Variants in NT5C2 observed in about 807,000 individuals in gnomAD.
NT5C2 encodes cytosolic purine 5'-nucleotidase.
NT5C2 carries 58 observed loss-of-function variants against 76.1 expected under a neutral mutation model. The observed-to-expected ratio is 0.76, with a 90% confidence interval of 0.62 to 0.95. The LOEUF is 0.95. Ranked by LOEUF, NT5C2 falls within the 40% of genes least tolerant of loss-of-function variation. The probability of loss-of-function intolerance (pLI) is 0.00; values close to 1 mark genes in which losing one functional copy is unlikely to be tolerated. For synonymous variants in NT5C2, 229 were observed against 237.4 expected (o/e 0.96, Z 0.32); for missense variants, 478 against 690.3 (o/e 0.69, Z 3.45).
chr10:103,098,807 G>A (rs762305918), intron 10 of NT5C2, 124 bp downstream of exon 10: 12 of 703,764 alleles, frequency 1.7e-5, no homozygotes, highest in Non-Finnish European at 2.6e-5. Context: ...GATTATACCC[G>A]ACACATACTA....
chr10:103,116,566 A>ATTTTTTTCTTTTT (rs1170172230), intron 4 of NT5C2, among the ~76,000 whole-genome samples: 6 of 142,306 alleles, frequency 4.2e-5, no homozygotes, highest in Non-Finnish European at 7.7e-5. Flanking sequence ...GCTGCTTCAG[A>ATTTTTTTCTTTTT]TTTTTTTCTT....
intron 4 of NT5C2, among the ~76,000 whole-genome samples, chr10:103,129,558 C>T (rs1190967606): frequency 8.2e-4 from 94 of 114,812 alleles, no homozygotes; most frequent in African/African-American, 1.2e-3. Flanking sequence ...CCAGCCGCCC[C>T]GTCCGGGAGG....
At chr10:103,173,079 G>A (rs1009869127) in intron 3 of NT5C2, among the ~76,000 whole-genome samples, 8 of 152,024 alleles carry the variant, frequency 5.3e-5, no homozygotes, top group African/African-American at 1.9e-4. Context: ...AAACTCCTGG[G>A]TTCAAGCAAT....
At chr10:103,156,345 C>A (rs907885908) in intron 3 of NT5C2, among the ~76,000 whole-genome samples, 2 of 152,166 alleles carry the variant, frequency 1.3e-5, no homozygotes, top group East Asian at 3.8e-4. Context: ...TTAAATAAGA[C>A]ACTAAAATTT....
At chr10:103,180,377 C>A (rs2090843477) in intron 2 of NT5C2, among the ~76,000 whole-genome samples, 2 of 152,188 alleles carry the variant, frequency 1.3e-5, no homozygotes, top group African/African-American at 2.4e-5. Flanking sequence ...TATCATATGT[C>A]CCAGACTTTC....
intron 4 of NT5C2, among the ~76,000 whole-genome samples, chr10:103,108,773 A>T (rs1327357475): frequency 1.3e-5 from 2 of 152,200 alleles, no homozygotes; most frequent in Non-Finnish European, 2.9e-5. Context: ...CCAAAAGAAA[A>T]AAACCATCTT....
At chr10:103,124,173 C>CATCT (rs571068312) in intron 4 of NT5C2, among the ~76,000 whole-genome samples, 132 of 152,152 alleles carry the variant, frequency 8.7e-4, no homozygotes, top group African/African-American at 3.1e-3. Flanking sequence ...ACTCTCCTTG[C>CATCT]ATCTATTAGA....
At chr10:103,100,957 G>T in intron 8 of NT5C2, 88 bp downstream of exon 8, 2 of 816,472 alleles carry the variant, frequency 2.4e-6, no homozygotes, top group Non-Finnish European at 2.1e-6. Context: ...TAGAAAAGCA[G>T]AAAAGACCTA....
intron 3 of NT5C2, among the ~76,000 whole-genome samples, chr10:103,164,393 G>C (rs2085815832): frequency 6.6e-6 from 1 of 152,092 alleles, no homozygotes. Flanking sequence ...GAGTAGCTGG[G>C]ATTACAGGCA....
At chr10:103,107,443 G>A (rs187077527) in intron 4 of NT5C2, among the ~76,000 whole-genome samples, 12 of 152,270 alleles carry the variant, frequency 7.9e-5, no homozygotes, top group Admixed American at 6.5e-4. Flanking sequence ...GAGAAGCCGA[G>A]GCGGGCAGAT....
At chr10:103,132,241 G>GA (rs539460535) in intron 4 of NT5C2, among the ~76,000 whole-genome samples, 2,685 of 122,806 alleles carry the variant, frequency 0.022, 35 homozygotes, top group Middle Eastern at 0.06. Context: ...ACTTCATCTC[G>GA]AAAAAAAAAA....
At chr10:103,101,570 T>C (rs2069677408) in intron 6 of NT5C2, among the ~76,000 whole-genome samples, 1 of 151,320 alleles carries the variant, frequency 6.6e-6, no homozygotes, top group Non-Finnish European at 1.5e-5. Context: ...GGACTCAAAC[T>C]CCTGAAGATT....
chr10:103,107,654 C>A (rs2071667096), intron 4 of NT5C2, among the ~76,000 whole-genome samples: 1 of 151,146 alleles, frequency 6.6e-6, no homozygotes, highest in Non-Finnish European at 1.5e-5. Flanking sequence ...GCCTGGGTGA[C>A]AGAGCGAGAC....
chr10:103,132,190 A>G (rs1741754700), intron 4 of NT5C2, among the ~76,000 whole-genome samples: 1 of 151,144 alleles, frequency 6.6e-6, no homozygotes, highest in Admixed American at 6.6e-5. Flanking sequence ...CAGTGAGCCA[A>G]GACTGCACTA....
intron 3 of NT5C2, among the ~76,000 whole-genome samples, chr10:103,167,649 T>G (rs1409018252): frequency 1.3e-5 from 2 of 152,072 alleles, no homozygotes; most frequent in Non-Finnish European, 2.9e-5. Flanking sequence ...TTTTTGTTTT[T>G]GAGACACAGT....
intron 3 of NT5C2, chr10:103,146,150 CA>C (rs1038345507): frequency 1.0e-6 from 1 of 985,372 alleles, no homozygotes; most frequent in African/African-American, 1.7e-5. Flanking sequence ...GACTTAACTT[CA>C]AGAAGTTTAA....
intron 3 of NT5C2, among the ~76,000 whole-genome samples, chr10:103,150,139 C>T (rs1456301120): frequency 1.3e-5 from 2 of 152,142 alleles, no homozygotes; most frequent in Admixed American, 6.6e-5. Context: ...TAACAGTATA[C>T]ACTCATGCAA....
At chr10:103,137,620 C>T (rs1277113046) in intron 4 of NT5C2, among the ~76,000 whole-genome samples, 1 of 152,170 alleles carries the variant, frequency 6.6e-6, no homozygotes, top group Non-Finnish European at 1.5e-5. Context: ...TGTCTTTATA[C>T]GTCTTAAGGT....
intron 1 of NT5C2, among the ~76,000 whole-genome samples, chr10:103,185,852 T>C (rs978109934): frequency 6.6e-6 from 1 of 152,156 alleles, no homozygotes. Flanking sequence ...CCTTTTAATA[T>C]ATAAATTCAT....
Sources: allele counts gnomAD v4.1 joint callset (sites outside exome capture counted in the v4.1 genomes callset), GRCh38; gene constraint gnomAD v4.1.1; transcripts MANE v1.5; gene names NCBI Gene and HGNC (gene_info 2026-07-23, HGNC 2026-07-21).